The following MED23 variants were observed in gnomAD, a reference collection of about 807,000 sequenced individuals.
The protein encoded by MED23 is mediator of RNA polymerase II transcription subunit 23.
Under a neutral mutation model 163.9 loss-of-function variants are expected in MED23, and 105 were observed. That is an observed-to-expected ratio of 0.64 (90% CI 0.55 to 0.75). The LOEUF is 0.75. MED23 is among the 30% of genes least tolerant of loss of function. MED23 has a pLI of 0.00. For missense variants in MED23, 1,054 were observed against 1,649.0 expected (o/e 0.64, Z 6.25); for synonymous variants, 561 against 565.6 (o/e 0.99, Z 0.12).
At chr6:131,615,333 G>A (rs1776596000) in intron 10 of MED23, 2 of 1,611,554 alleles carry the variant, frequency 1.2e-6, no homozygotes, top group South Asian at 1.1e-5. Context: ...CCTGAGCAAT[G>A]TTCAAGGTCT....
intron 10 of MED23, among the ~76,000 whole-genome samples, chr6:131,611,146 T>C (rs1421570202): frequency 1.3e-5 from 2 of 152,144 alleles, no homozygotes; most frequent in African/African-American, 4.8e-5. Flanking sequence ...CAATTACTAA[T>C]ACAGATCTTT....
intron 30 of MED23, chr6:131,581,414 A>ACTT: frequency 6.3e-7 from 1 of 1,587,974 alleles, no homozygotes; most frequent in Non-Finnish European, 8.6e-7. Context: ...GCAATAGAAT[A>ACTT]CTTTTTAGTA....
At chr6:131,595,799 G>A (rs1775002683) in intron 22 of MED23, 148 bp downstream of exon 22, 1 of 661,038 alleles carries the variant, frequency 1.5e-6, no homozygotes, top group Non-Finnish European at 2.6e-6. Context: ...TATACTTCAT[G>A]GCACCATCCA....
downstream of MED23, chr6:131,586,664 T>C: frequency 9.0e-7 from 1 of 1,110,688 alleles, no homozygotes; most frequent in Non-Finnish European, 1.2e-6. Flanking sequence ...AACCACAGAG[T>C]ACCCCATTTC....
chr6:131,585,024 C>T (rs988137128), downstream of MED23, among the ~76,000 whole-genome samples: 3 of 151,342 alleles, frequency 2.0e-5, no homozygotes, highest in African/African-American at 7.3e-5. Flanking sequence ...AACCATATTC[C>T]CCAAAATCTA....
chr6:131,585,671 T>A (rs1241736422), downstream of MED23, among the ~76,000 whole-genome samples: 1 of 152,208 alleles, frequency 6.6e-6, no homozygotes. Context: ...TTGCAGAAAG[T>A]CATACTGGAC....
In MED23 at chr6:131,574,303, AC is replaced by A. The variant is rs1199944953; in HGVS notation, c.4096-9del. 4 of 1,613,926 alleles carry A rather than the reference AC, an allele frequency of 2.5e-6. No individual in the cohort carries two copies. In the African/African-American group the frequency reaches 5.3e-5, roughly 22 times the overall value. Reference sequence around the variant, plus strand: ...GTGTACTCTGACTTTTTACTGCAAAACAAATTGAGAGAGGCCAGAGGTTAGA... The same window carrying A: ...GTGTACTCTGACTTTTTACTGCAAAAAAATTGAGAGAGGCCAGAGGTTAGA... On this transcript the variant is annotated splice_polypyrimidine_tract_variant and intron_variant, in intron 30 of 30. Transcript: ENST00000354577.
downstream of MED23, among the ~76,000 whole-genome samples, chr6:131,586,014 T>G (rs1384891368): frequency 6.6e-6 from 1 of 152,198 alleles, no homozygotes; most frequent in Non-Finnish European, 1.5e-5. Flanking sequence ...AAGCAATAAA[T>G]TCCTCAAGGC....
intron 9 of MED23, 93 bp downstream of exon 9, chr6:131,618,314 G>T: frequency 1.2e-6 from 1 of 845,554 alleles, no homozygotes; most frequent in Non-Finnish European, 2.0e-6. Context: ...TACTTCTTCA[G>T]ATTATGAAGC....
intron 25 of MED23, 141 bp from the exon 26 acceptor site, chr6:131,591,668 C>A: frequency 2.9e-6 from 2 of 697,350 alleles, no homozygotes; most frequent in South Asian, 1.7e-5. Context: ...GGCTTTGTAA[C>A]TGGTCAAATT....
intron 17 of MED23, 147 bp from the exon 18 acceptor site, chr6:131,600,309 T>C: frequency 2.6e-6 from 2 of 766,404 alleles, no homozygotes; most frequent in Non-Finnish European, 4.3e-6. Flanking sequence ...GCTTAGAACC[T>C]AAATTTGCTT....
chr6:131,616,499 T>C (rs1776699704), intron 9 of MED23, among the ~76,000 whole-genome samples: 1 of 152,168 alleles, frequency 6.6e-6, no homozygotes. Context: ...AGTATAGAAT[T>C]TCTGATAGCC....
chr6:131,610,298 A>G (rs756879409), intron 10 of MED23, 52 bp from the exon 11 acceptor site: 3 of 1,553,736 alleles, frequency 1.9e-6, no homozygotes, highest in Non-Finnish European at 2.6e-6. Context: ...GGTTAGTTTC[A>G]GAAGTTACCA....
chr6:131,625,200 T>C (rs1175604628), intron 3 of MED23, among the ~76,000 whole-genome samples: 3 of 152,242 alleles, frequency 2.0e-5, no homozygotes, highest in Admixed American at 1.3e-4. Context: ...ATTACATAGA[T>C]AAAATGCTAC....
chr6:131,625,334 A>G (rs1777407167), intron 3 of MED23, among the ~76,000 whole-genome samples: 1 of 152,178 alleles, frequency 6.6e-6, no homozygotes, highest in Non-Finnish European at 1.5e-5. Flanking sequence ...TGGCATATAT[A>G]AATATTACTG....
In MED23 at chr6:131,627,426, G is replaced by A. The variant is rs761113101; in HGVS notation, c.129C>T (p.Ala43=). 1.2e-6 allele frequency: 2 copies of A among 1,612,664 alleles called. No homozygotes were observed. The highest frequency in any genetic ancestry group is 1.1e-5 in the South Asian group (1 of 91,054). Reference sequence around the variant, plus strand: ...AAAGACCACCCCAAAACTGTCTGAAGGCCCCCAAACAGCTAATTAGTTTTG... The same window carrying A: ...AAAGACCACCCCAAAACTGTCTGAAAGCCCCCAAACAGCTAATTAGTTTTG... ...EKTKLISCLG[A]FRQFWGGLSQ... Residue 43 remains alanine, a synonymous_variant, in exon 3 of 29, where the codon GCC becomes GCT. Transcript: ENST00000368068.
chr6:131,603,677 C>T (rs1172998955), intron 15 of MED23, among the ~76,000 whole-genome samples: 1 of 151,996 alleles, frequency 6.6e-6, no homozygotes, highest in African/African-American at 2.4e-5. Flanking sequence ...ATGCTGTATT[C>T]GTGAAAAGCT....
chr6:131,586,252 T>C (rs1235204626), downstream of MED23, among the ~76,000 whole-genome samples: 3 of 151,738 alleles, frequency 2.0e-5, no homozygotes, highest in Non-Finnish European at 4.4e-5. Flanking sequence ...TACAAAAAAT[T>C]AGCCAGGCGT....
At chr6:131,593,280 C>T (rs1000526551) in intron 23 of MED23, 109 bp from the exon 24 acceptor site, 15 of 1,281,436 alleles carry the variant, frequency 1.2e-5, no homozygotes, top group African/African-American at 4.4e-5. Context: ...GATTAAGAGG[C>T]AAATGCAAAC....
Sources: allele counts gnomAD v4.1 joint callset (sites outside exome capture counted in the v4.1 genomes callset), GRCh38; gene constraint gnomAD v4.1.1; transcripts MANE v1.5; gene names NCBI Gene and HGNC (gene_info 2026-07-23, HGNC 2026-07-21).